ZIC1: variants seen among roughly 807,000 people sequenced by gnomAD.
ZIC1 encodes Zic family zinc finger 1.
Under a neutral mutation model 30.9 loss-of-function variants are expected in ZIC1, and 4 were observed. The ratio of observed to expected loss-of-function variants is 0.13; its 90% confidence interval spans 0.06 to 0.30. ZIC1 has a LOEUF of 0.30. ZIC1 is among the 10% of genes least tolerant of loss of function. ZIC1 has a pLI of 1.00. For synonymous variants in ZIC1, 305 were observed against 277.5 expected (o/e 1.10, Z -0.98); for missense variants, 441 against 639.3 (o/e 0.69, Z 3.34).
Position 147,410,906 on chromosome 3 carries a change from A to G in ZIC1, c.794A>G (p.Glu265Gly). The G allele has an allele frequency of 2.5e-6, 4 of 1,614,274 alleles. No homozygotes were observed. The highest frequency in any genetic ancestry group is 2.5e-6 in the Non-Finnish European group (3 of 1,180,048). Residue 265 changes from glutamate to glycine, a missense_variant, in exon 1 of 3, where the codon GAG (glutamate) becomes GGG (glycine). By Grantham distance (98) the Glu-to-Gly change is moderately conservative (BLOSUM62 -2). Transcript: ENST00000282928. ...HVTVEHVGGP[E>G]QSNHICFWEE... ...ACCGTGGAGCACGTAGGTGGCCCGG[A>G]GCAGAGTAATCACATCTGCTTCTGG...
Position 147,410,239 on chromosome 3 carries a change from G to T in ZIC1, c.127G>T (p.Gly43Cys), listed in dbSNP as rs554179108. The change falls in exon 1 of 3, where the codon GGC (glycine) becomes TGC (cysteine). Residue 43 changes from glycine (G) to cysteine (C), a missense_variant. By Grantham distance (159) the Gly-to-Cys change is radical. Transcript: ENST00000282928. ...CCTGGGCATCAACCCGTTCGCCGAC[G>T]GCATGGGCGCCTTCAAGCTCAACCC... ...VGLGINPFAD[G>C]MGAFKLNPSS... The T allele has an allele frequency of 6.2e-7, 1 of 1,601,386 alleles. No homozygotes were observed. The highest frequency in any genetic ancestry group is 8.5e-7 in the Non-Finnish European group (1 of 1,179,684).
chr3:147,410,733 T>G lies in ZIC1; in HGVS notation c.621T>G (p.His207Gln). The change falls in exon 1 of 3, where the codon CAT (histidine) becomes CAG (glutamine). Residue 207 changes from histidine to glutamine, a missense_variant. By Grantham distance (24) the His-to-Gln change is conservative. Coordinates refer to ENST00000282928, the MANE Select transcript of ZIC1 (RefSeq NM_003412.4). ...YGPMNVNMAAHHGAGAFFRYM... is the reference protein window; with the variant it reads ...YGPMNVNMAAQHGAGAFFRYM... ...CCATGAACGTGAACATGGCCGCGCA[T>G]CACGGCGCCGGCGCCTTCTTCCGCT... 2 of 1,614,016 alleles carry G rather than the reference T, an allele frequency of 1.2e-6. No individual in the cohort carries two copies. Among genetic ancestry groups the G allele is most frequent in the Non-Finnish European group, 1.7e-6 (2 of 1,179,962 alleles).
At chr3:147,411,904 A>G (rs1252001030) in intron 1 of ZIC1, among the ~76,000 whole-genome samples, 1 of 151,906 alleles carries the variant, frequency 6.6e-6, no homozygotes, top group East Asian at 1.9e-4. Flanking sequence ...CCCTGCCCCC[A>G]AGAGGCCGGG....
chr3:147,411,165 C>T (rs1307738676), intron 1 of ZIC1, 71 bp downstream of exon 1: 4 of 1,534,966 alleles, frequency 2.6e-6, no homozygotes, highest in Non-Finnish European at 3.5e-6. Context: ...AGTCAGCGGC[C>T]AGGTCGCACA....
Position 147,414,047 on chromosome 3 carries a change from G to A in ZIC1, c.*496G>A, listed in dbSNP as rs1446527114. 2 of 129,332 alleles carry A rather than the reference G, an allele frequency of 1.5e-5. No homozygotes were observed. The highest frequency in any genetic ancestry group is 7.8e-5 in the Admixed American group (1 of 12,882). The allele number at this position is 129,332 out of a possible 1,614,324, so 8.0% of individuals were successfully genotyped here. A position where few individuals can be genotyped will look rare whatever the true frequency, so the allele number is the denominator to read the frequency against. On this transcript the variant is annotated 3_prime_UTR_variant, in exon 3 of 3. Transcript: ENST00000282928. Reference sequence around the variant, plus strand: ...GGGGGAGGGACCGGATGGGCGGGGGGAGGGGGAGGGGGAGGGGTGGGCGGC... The same window carrying A: ...GGGGGAGGGACCGGATGGGCGGGGGAAGGGGGAGGGGGAGGGGTGGGCGGC...
chr3:147,410,412 T>C lies in ZIC1; in HGVS notation c.300T>C (p.Phe100=). ...SSAAFNSTRD[F]LFRNRGFGDA... ...CAGCCTTCAACTCCACGCGGGACTT[T>C]CTGTTCCGCAACCGGGGTTTTGGCG... The change falls in exon 1 of 3, where the codon TTT becomes TTC. Residue 100 remains phenylalanine, a synonymous_variant. Coordinates refer to ENST00000282928, the MANE Select transcript of ZIC1 (RefSeq NM_003412.4). 1 of 1,603,346 alleles carries C rather than the reference T, an allele frequency of 6.2e-7. No individual in the cohort carries two copies. The highest frequency in any genetic ancestry group is 1.1e-5 in the South Asian group (1 of 91,072).
chr3:147,412,801 G>A (rs1160311291), intron 2 of ZIC1, 120 bp downstream of exon 2: 6 of 1,305,494 alleles, frequency 4.6e-6, no homozygotes, highest in African/African-American at 3.0e-5. Context: ...GGAAGGCAAA[G>A]GTTCCACTCA....
rs760714413 is a variant in ZIC1, at chr3:147,410,316, G to A, written c.204G>A (p.Ala68=). 12 of 1,599,388 alleles carry A rather than the reference G, an allele frequency of 7.5e-6. No individual in the cohort carries two copies. The African/African-American group carries it at 1.6e-4, about 21-fold the overall frequency. Residue 68 remains alanine (A), a synonymous_variant, in exon 1 of 3, where the codon GCG becomes GCA. Transcript: ENST00000282928. ...GCCAGACGGCCTTCACGTCGCAGGC[G>A]CCAGGCTACGCGGCTGCTGCGGCCC... ...SAGQTAFTSQ[A]PGYAAAAALG... is the part of the protein sequence containing the mutation.
rs1026541602 is a variant in ZIC1 at position 147,415,133 on chromosome 3, T to A, written c.*1582T>A. 1 of 152,682 alleles carries A rather than the reference T, an allele frequency of 6.5e-6. No individual in the cohort carries two copies. The highest frequency in any genetic ancestry group is 1.5e-5 in the Non-Finnish European group (1 of 68,044). The allele number at this position is 152,682 out of a possible 1,614,324, so 9.5% of individuals were successfully genotyped here. A position where few individuals can be genotyped will look rare whatever the true frequency, so the allele number is the denominator to read the frequency against. On this transcript the variant is annotated 3_prime_UTR_variant, in exon 3 of 3. Transcript: ENST00000282928. ...TTTCACTTATATTCTTCAAACATGA[T>A]GCTAATTTAAATTAATTACTTCCTA...
Position 147,413,451 on chromosome 3 carries a change from A to G in ZIC1, c.1244A>G (p.Asp415Gly). 1.9e-6 allele frequency: 3 copies of G among 1,614,192 alleles called. No homozygotes were observed. The highest frequency in any genetic ancestry group is 1.1e-5 in the South Asian group (1 of 91,084). The change falls in exon 3 of 3, where the codon GAC becomes GGC. Residue 415 changes from aspartate to glycine, a missense_variant. By Grantham distance (94) the Asp-to-Gly change is moderately conservative. Transcript: ENST00000282928. ...CCCACCATCGTGTCTCCCTCCACAG[A>G]CAACCCGACCACAAGCTCCTTATCG... is the stretch of plus-strand genomic sequence containing the variant. ...TPPTIVSPST[D>G]NPTTSSLSPS...
intron 1 of ZIC1, among the ~76,000 whole-genome samples, chr3:147,412,036 T>G (rs934130865): frequency 6.6e-6 from 1 of 152,084 alleles, no homozygotes; most frequent in African/African-American, 2.4e-5. Context: ...CCGGCCCAGA[T>G]TACGCTATAA....
In ZIC1 at chr3:147,414,616, G is replaced by A. The variant is rs1424564572; in HGVS notation, c.*1065G>A. The A allele has an allele frequency of 1.3e-5, 2 of 152,566 alleles. No individual in the cohort carries two copies. The highest frequency in any genetic ancestry group is 2.4e-5 in the African/African-American group (1 of 41,422). 9.5% of individuals were successfully genotyped at this position (152,566 alleles called of 1,614,324 possible). A position where few individuals can be genotyped will look rare whatever the true frequency, so the allele number is the denominator to read the frequency against. The stretch of plus-strand genomic sequence containing the variant: ...CCACCAGCAACCTGCTGCCTCTTCT[G>A]CCAGTCTTAAAGGGTCTCCAGAAAA... On this transcript the variant is annotated 3_prime_UTR_variant, in exon 3 of 3. Coordinates refer to ENST00000282928, the MANE Select transcript of ZIC1 (RefSeq NM_003412.4).
chr3:147,409,904 A>G lies in ZIC1; in HGVS notation c.-209A>G. 1.9e-6 allele frequency: 1 copy of G among 525,724 alleles called. No homozygotes were observed. The highest frequency in any genetic ancestry group is 2.9e-5 in the South Asian group (1 of 34,656). 32.6% of individuals were successfully genotyped at this position (525,724 alleles called of 1,614,324 possible). On this transcript the variant is annotated 5_prime_UTR_variant, in exon 1 of 3. Transcript: ENST00000282928. Reference sequence around the variant, plus strand: ...ACTCGCGGCCCGCAGCCGTCCGGCTACTTTGCGTTTGGCCCGGCCAGCGCC... The same window carrying G: ...ACTCGCGGCCCGCAGCCGTCCGGCTGCTTTGCGTTTGGCCCGGCCAGCGCC...
rs1259179719 is a variant in ZIC1, at chr3:147,409,662, G to C, written c.-451G>C. 1 of 164,410 alleles carries C rather than the reference G, an allele frequency of 6.1e-6. No individual in the cohort carries two copies. Among genetic ancestry groups the C allele is most frequent in the East Asian group, 1.7e-4 (1 of 5,818 alleles). 10.2% of individuals were successfully genotyped at this position (164,410 alleles called of 1,614,324 possible). A position where few individuals can be genotyped will look rare whatever the true frequency, so the allele number is the denominator to read the frequency against. On this transcript the variant is annotated 5_prime_UTR_variant, in exon 1 of 3. Coordinates refer to ENST00000282928, the MANE Select transcript of ZIC1 (RefSeq NM_003412.4). ...CTAGTGGAGAAGTAAGGAGGGGCGC[G>C]CTGCGCGAGGCGGAGAGAGGGCGAA...
Position 147,414,241 on chromosome 3 carries a change from C to T in ZIC1, c.*690C>T, listed in dbSNP as rs375108962. 1.3e-5 allele frequency: 2 copies of T among 152,514 alleles called. No individual in the cohort carries two copies. Among genetic ancestry groups the T allele is most frequent in the African/African-American group, 4.8e-5 (2 of 41,428 alleles). 9.4% of individuals were successfully genotyped at this position (152,514 alleles called of 1,614,324 possible). On this transcript the variant is annotated 3_prime_UTR_variant, in exon 3 of 3. Coordinates refer to ENST00000282928, the MANE Select transcript of ZIC1 (RefSeq NM_003412.4). The stretch of plus-strand genomic sequence containing the variant: ...AACATTTCGTCCCAAAGTCTAAGTA[C>T]TTTAGTGCAGTAAAATGTTGTTTCA...
chr3:147,413,290 G>C, intron 2 of ZIC1, 64 bp from the exon 3 acceptor site: 2 of 1,554,256 alleles, frequency 1.3e-6, no homozygotes, highest in Non-Finnish European at 1.7e-6. Context: ...CGCGGCCTTC[G>C]CCTCTCTAGT....
At chr3:147,412,795 G>A (rs1355181364) in intron 2 of ZIC1, 114 bp downstream of exon 2, 6 of 1,362,868 alleles carry the variant, frequency 4.4e-6, no homozygotes, top group Non-Finnish European at 6.0e-6. Context: ...GAAGCGGGAA[G>A]GCAAAGGTTC....
Position 147,410,187 on chromosome 3 carries a change from G to T in ZIC1, c.75G>T (p.Ala25=), listed in dbSNP as rs1445129846. The T allele has an allele frequency of 1.9e-6, 3 of 1,600,410 alleles. No individual in the cohort carries two copies. Among genetic ancestry groups the T allele is most frequent in the African/African-American group, 1.3e-5 (1 of 74,780 alleles). Residue 25 remains alanine, a synonymous_variant, in exon 1 of 3, where the codon GCG becomes GCT. Coordinates refer to ENST00000282928, the MANE Select transcript of ZIC1 (RefSeq NM_003412.4). ...TTFGASRHHS[A]GDVAERDVGL... is the part of the protein sequence containing the mutation. Reference sequence around the variant, plus strand: ...TTGGCGCGTCCCGCCACCACTCCGCGGGCGACGTGGCCGAACGAGACGTGG... The same window carrying T: ...TTGGCGCGTCCCGCCACCACTCCGCTGGCGACGTGGCCGAACGAGACGTGG...
At position 147,413,396 on chromosome 3, in the gene ZIC1, G is replaced by A. The variant is rs999944681; in HGVS notation, c.1189G>A (p.Ala397Thr). 3.1e-6 allele frequency: 5 copies of A among 1,613,712 alleles called. No individual in the cohort carries two copies. In the African/African-American group the frequency reaches 4.0e-5, roughly 13 times the overall value. ...SSQGSQPSPA[A>T]SSGYESSTPP... is the part of the protein sequence containing the mutation. ...GCAGGGCTCGCAGCCTTCGCCGGCC[G>A]CCAGCTCTGGCTACGAATCCTCCAC... Residue 397 changes from alanine to threonine, a missense_variant, in exon 3 of 3, where the codon GCC (alanine) becomes ACC (threonine). Transcript: ENST00000282928.
Sources: gnomAD v4.1 joint callset for allele counts (sites outside exome capture counted in the v4.1 genomes callset) on GRCh38, gnomAD v4.1.1 for gene constraint, MANE v1.5 for transcripts, NCBI Gene and HGNC (gene_info 2026-07-23, HGNC 2026-07-21) for gene names.